The following ADGRF5 variants were observed in gnomAD, a reference collection of about 807,000 sequenced individuals.
ADGRF5 encodes the protein G-protein coupled receptor 116.
ADGRF5 carries 75 observed loss-of-function variants against 132.3 expected under a neutral mutation model. The observed-to-expected ratio is 0.57, with a 90% confidence interval of 0.47 to 0.69. The LOEUF (loss-of-function observed/expected upper bound fraction) is 0.69. ADGRF5 is among the 30% of genes least tolerant of loss of function. ADGRF5 has a pLI of 0.00. For missense variants in ADGRF5, 1,516 were observed against 1,630.6 expected (o/e 0.93, Z 1.21); for synonymous variants, 629 against 597.6 (o/e 1.05, Z -0.77).
chr6:46,859,164 G>T lies in ADGRF5; in HGVS notation c.2739C>A (p.Ile913=). 6.2e-7 allele frequency: 1 copy of T among 1,613,988 alleles called. No homozygotes were observed. The highest frequency in any genetic ancestry group is 8.5e-7 in the Non-Finnish European group (1 of 1,179,860). ...PTLQAILAQD[I]QENNFAESLV... The stretch of plus-strand genomic sequence containing the variant: ...AGCTCTCTGCAAAGTTATTTTCCTG[G>T]ATATCCTGGGCAAGGATGGCTTGGA... The change falls in exon 17 of 21, where the codon ATC becomes ATA. Residue 913 remains isoleucine, a synonymous_variant. Transcript: ENST00000283296.
intron 1 of ADGRF5, among the ~76,000 whole-genome samples, chr6:46,947,499 C>T (rs1778340818): frequency 6.6e-6 from 1 of 152,202 alleles, no homozygotes; most frequent in African/African-American, 2.4e-5. Context: ...TACCAAAACC[C>T]AAACATCTTT....
chr6:46,866,139 A>G (rs551791772), intron 13 of ADGRF5, among the ~76,000 whole-genome samples: 2 of 152,262 alleles, frequency 1.3e-5, no homozygotes, highest in African/African-American at 4.8e-5. Context: ...GGTGCTACCA[A>G]TGGACAACTT....
intron 13 of ADGRF5, 60 bp downstream of exon 13, chr6:46,866,865 T>C (rs1770509158): frequency 3.8e-6 from 4 of 1,044,852 alleles, no homozygotes; most frequent in Middle Eastern, 4.1e-4. Flanking sequence ...TAAGACTAAA[T>C]TTTTAGACTC....
chr6:46,892,796 C>T (rs988925042), intron 3 of ADGRF5, among the ~76,000 whole-genome samples: 5 of 152,090 alleles, frequency 3.3e-5, no homozygotes, highest in Non-Finnish European at 5.9e-5. Context: ...TGCATTGTGA[C>T]CCATTGTCAT....
At chr6:46,932,374 T>G (rs1777592061) in intron 1 of ADGRF5, among the ~76,000 whole-genome samples, 1 of 152,208 alleles carries the variant, frequency 6.6e-6, no homozygotes, top group Non-Finnish European at 1.5e-5. Context: ...AATAAGTAAT[T>G]AAATCAAGGA....
At chr6:46,877,306 T>TCTTTCC (rs369575219) in intron 10 of ADGRF5, among the ~76,000 whole-genome samples, 2 of 77,140 alleles carry the variant, frequency 2.6e-5, no homozygotes, top group Admixed American at 1.4e-4. Context: ...TCTCTCTCTC[T>TCTTTCC]TTCCTTCCTT....
intron 1 of ADGRF5, among the ~76,000 whole-genome samples, chr6:46,950,436 T>A (rs1257796525): frequency 6.6e-6 from 1 of 152,202 alleles, no homozygotes; most frequent in Non-Finnish European, 1.5e-5. Context: ...ATCCTTCAAC[T>A]GTTTGGTGAA....
At chr6:46,859,557 A>G (rs12374646) in intron 16 of ADGRF5, 34 bp from the exon 17 acceptor site, 2 of 1,276,734 alleles carry the variant, frequency 1.6e-6, no homozygotes, top group African/African-American at 3.0e-5. Flanking sequence ...CAAACTAACC[A>G]AATTCTTTCA....
chr6:46,875,188 C>T (rs781139680), intron 10 of ADGRF5, among the ~76,000 whole-genome samples: 7 of 152,116 alleles, frequency 4.6e-5, no homozygotes, highest in Non-Finnish European at 1.0e-4. Context: ...GGAGAAAAGG[C>T]TCCAAAGAGG....
chr6:46,915,924 C>T (rs1017084090), intron 1 of ADGRF5, among the ~76,000 whole-genome samples: 5 of 152,146 alleles, frequency 3.3e-5, no homozygotes, highest in Non-Finnish European at 4.4e-5. Flanking sequence ...TTGTGCATGG[C>T]CTCCTCCTCT....
rs1415563640 is a variant in ADGRF5, at chr6:46,954,229, C to T, written c.-25+505G>A. ...AAAATAATGTGGAAGTCCACCAGATCCCTGAACAAAGTACTCTTTTTTTTT... is the reference window on the plus strand; with the variant it reads ...AAAATAATGTGGAAGTCCACCAGATTCCTGAACAAAGTACTCTTTTTTTTT... On this transcript the variant is annotated intron_variant, in intron 1 of 20. Coordinates refer to the ADGRF5 transcript ENST00000265417. Among the ~76,000 whole-genome samples the T allele has an allele frequency of 4.0e-5, 6 of 149,908 alleles. No homozygotes were observed. The Admixed American group carries it at 4.1e-4, about 10-fold the overall frequency.
chr6:46,884,669 T>C (rs371213816), intron 4 of ADGRF5, among the ~76,000 whole-genome samples: 33 of 152,370 alleles, frequency 2.2e-4, no homozygotes, highest in Middle Eastern at 6.8e-3. Flanking sequence ...TTGGTCTATG[T>C]AATCAACAGA....
At chr6:46,933,555 A>G (rs764193) in intron 1 of ADGRF5, among the ~76,000 whole-genome samples, 81,993 of 152,078 alleles carry the variant, frequency 0.54, 23,319 homozygotes, top group East Asian at 0.64. Context: ...TCAGGTTGCT[A>G]CTAATGAAGG....
intron 2 of ADGRF5, chr6:46,903,506 C>G (rs909599725): frequency 5.3e-5 from 8 of 152,108 alleles, no homozygotes; most frequent in Non-Finnish European, 8.8e-5. Context: ...GGTGGGTAGT[C>G]AGTCAGGAAT....
Position 46,896,493 on chromosome 6 carries a change from C to T in ADGRF5, c.157+3536G>A, listed in dbSNP as rs981992951. Among the ~76,000 whole-genome samples the T allele has an allele frequency of 3.9e-5, 6 of 152,064 alleles. No homozygotes were observed. In the East Asian group the frequency reaches 5.8e-4, roughly 15 times the overall value. On this transcript the variant is annotated intron_variant, in intron 3 of 20. Transcript: ENST00000283296. The stretch of plus-strand genomic sequence containing the variant: ...TGGAGGTAGATCAGGCCCTTTCAAA[C>T]GCAACACTATTTTATAAATAAATCG...
chr6:46,921,210 G>A (rs910079342), intron 1 of ADGRF5, among the ~76,000 whole-genome samples: 1 of 152,070 alleles, frequency 6.6e-6, no homozygotes, highest in Non-Finnish European at 1.5e-5. Context: ...CATTTCTAAG[G>A]TCATCCCTTG....
chr6:46,859,794 C>T (rs1170020621), intron 16 of ADGRF5, among the ~76,000 whole-genome samples: 1 of 140,526 alleles, frequency 7.1e-6, no homozygotes, highest in Admixed American at 7.4e-5. Context: ...AAGGCCAATT[C>T]AGCAGGCTGG....
chr6:46,857,472 GA>G (rs1769192305), intron 17 of ADGRF5, among the ~76,000 whole-genome samples: 1 of 152,214 alleles, frequency 6.6e-6, no homozygotes, highest in Admixed American at 6.5e-5. Context: ...GGGTGAAACA[GA>G]ATTAATCACT....
At chr6:46,949,821 G>A (rs1778430546) in intron 1 of ADGRF5, among the ~76,000 whole-genome samples, 1 of 152,122 alleles carries the variant, frequency 6.6e-6, no homozygotes, top group African/African-American at 2.4e-5. Flanking sequence ...AGCACAAGAA[G>A]TAACCCATAA....
Sources: allele counts gnomAD v4.1 joint callset (sites outside exome capture counted in the v4.1 genomes callset), GRCh38; gene constraint gnomAD v4.1.1; transcripts MANE v1.5; gene names NCBI Gene and HGNC (gene_info 2026-07-23, HGNC 2026-07-21).